NRXN2: variants seen among roughly 807,000 people sequenced by gnomAD.
NRXN2 encodes neurexin-2-beta.
A neutral mutation model predicts 128.8 loss-of-function variants in NRXN2; 29 were observed. The ratio of observed to expected loss-of-function variants is 0.23; its 90% CI spans 0.17 to 0.31. The LOEUF is 0.31. Among genes scored for constraint, NRXN2 ranks in the 10% least tolerant of loss-of-function variants. NRXN2 has a pLI of 1.00. For synonymous variants in NRXN2, 1,098 were observed against 1,075.2 expected (o/e 1.02, Z -0.41); for missense variants, 1,881 against 2,452.6 (o/e 0.77, Z 4.92).
In NRXN2 at chr11:64,608,144, G is replaced by C. The variant is rs1174985296; in HGVS notation, c.4253-62C>G. ...AGCGAGGGCCAGGGCGCAGGCGGCC[G>C]GCACAGAGAGAGAAACAACAGCCTC... On this transcript the variant is annotated intron_variant, in intron 22 of 22. Coordinates refer to ENST00000265459, the MANE Select transcript of NRXN2 (RefSeq NM_015080.4). 19 of 1,250,330 alleles carry C rather than the reference G, an allele frequency of 1.5e-5. No homozygotes were observed. The South Asian group carries it at 2.1e-4, about 14-fold the overall frequency. The allele number at this position is 1,250,330 out of a possible 1,614,324, so 77.5% of individuals were successfully genotyped here.
chr11:64,659,572 A>G (rs1413385113), intron 11 of NRXN2: 1 of 152,628 alleles, frequency 6.6e-6, no homozygotes, highest in Non-Finnish European at 1.5e-5. Flanking sequence ...AGGCAATGGG[A>G]AAAGCACTGA....
chr11:64,643,402 T>A (rs1247149731), intron 17 of NRXN2: 1 of 197,508 alleles, frequency 5.1e-6, no homozygotes, highest in Admixed American at 3.7e-4. Flanking sequence ...CAAATCCGGG[T>A]GAGGGGGGAA....
In NRXN2 at chr11:64,664,515, T is replaced by C. The variant is rs189923356; in HGVS notation, c.1798+2735A>G. On this transcript the variant is annotated intron_variant, in intron 9 of 22. Transcript: ENST00000265459. ...AAAAAAGGTTACTATGGTAAATTTT[T>C]TTTGCTGTTTTATTTTTCATTTCTT... Among the ~76,000 whole-genome samples, 4 of 152,298 alleles carry C rather than the reference T, an allele frequency of 2.6e-5. No individual in the cohort carries two copies. The East Asian group carries it at 7.7e-4, about 29-fold the overall frequency.
chr11:64,715,669 A>C (rs1219296738), intron 1 of NRXN2, among the ~76,000 whole-genome samples: 1 of 152,132 alleles, frequency 6.6e-6, no homozygotes, highest in South Asian at 2.1e-4. Context: ...CCAGCTCCTG[A>C]CTGCTGCCCT....
intron 22 of NRXN2, among the ~76,000 whole-genome samples, chr11:64,614,385 C>T (rs1591485998): frequency 6.6e-6 from 1 of 152,198 alleles, no homozygotes; most frequent in East Asian, 1.9e-4. Context: ...TACTTTGAAC[C>T]TTAAACCACC....
chr11:64,628,083 A>C (rs1220074194), intron 19 of NRXN2, among the ~76,000 whole-genome samples: 1 of 152,242 alleles, frequency 6.6e-6, no homozygotes, highest in Non-Finnish European at 1.5e-5. Flanking sequence ...CAAGAGGAAG[A>C]GAAAAATGTA....
At position 64,663,020 on chromosome 11, in the gene NRXN2, T is replaced by A. The variant is rs561767643; in HGVS notation, c.1799-1881A>T. ...GGGTGGGAACCCAAGAGGGAAGAAC[T>A]GGGACCTCCTCTACAGACACATCCC... On this transcript the variant is annotated intron_variant, in intron 9 of 22. Transcript: ENST00000265459. Among the ~76,000 whole-genome samples, 4 of 152,202 alleles carry A rather than the reference T, an allele frequency of 2.6e-5. No homozygotes were observed. In the South Asian group the frequency reaches 8.3e-4, roughly 32 times the overall value.
In NRXN2 at chr11:64,685,961, T is replaced by C. The variant is rs1245147225; in HGVS notation, c.851-14A>G. ...ACTCCTCCTTGCCTGGATGCCGTGG[T>C]GTGGGGAAACGGGAGAAGGCTGAAT... On this transcript the variant is annotated splice_polypyrimidine_tract_variant and intron_variant, in intron 5 of 22. Transcript: ENST00000265459. The C allele has an allele frequency of 1.2e-6, 2 of 1,614,034 alleles. No individual in the cohort carries two copies. Among genetic ancestry groups the C allele is most frequent in the South Asian group, 1.1e-5 (1 of 91,088 alleles).
chr11:64,639,641 G>A (rs1347875077), intron 17 of NRXN2, among the ~76,000 whole-genome samples: 2 of 152,210 alleles, frequency 1.3e-5, no homozygotes, highest in Non-Finnish European at 2.9e-5. Flanking sequence ...AGGTACAGGA[G>A]TGGCAATGGG....
intron 17 of NRXN2, among the ~76,000 whole-genome samples, chr11:64,639,653 G>A (rs1053622512): frequency 1.3e-5 from 2 of 152,060 alleles, no homozygotes; most frequent in Non-Finnish European, 2.9e-5. Flanking sequence ...GGCAATGGGT[G>A]TCTGGCAGGT....
At chr11:64,652,300 C>T (rs774950800) in intron 12 of NRXN2, 146 bp from the exon 13 acceptor site, 73 of 979,076 alleles carry the variant, frequency 7.5e-5, no homozygotes, top group African/African-American at 1.1e-4. Flanking sequence ...TATTTGGCCA[C>T]GCAACACACC....
At position 64,630,167 on chromosome 11, in the gene NRXN2, A is replaced by AG. The variant is rs2043671435; in HGVS notation, c.3757+234dup. The stretch of plus-strand genomic sequence containing the variant: ...AGCTCAGCCCTGCACCCTCCCCCAT[A>AG]GGGGGCGCATTCGCACCACCACGGT... On this transcript the variant is annotated intron_variant, in intron 19 of 22. Transcript: ENST00000265459. This position sits in a 1 kb window ranked among gnomAD's most constrained non-coding sequence, Gnocchi z 4.6. 6.8e-6 allele frequency among the ~76,000 whole-genome samples: 1 copy of AG among 147,146 alleles called. No individual in the cohort carries two copies. Among genetic ancestry groups the AG allele is most frequent in the African/African-American group, 2.5e-5 (1 of 39,248 alleles).
At chr11:64,688,449 G>C (rs747738259) in intron 5 of NRXN2, 10 of 985,362 alleles carry the variant, frequency 1.0e-5, no homozygotes, top group Non-Finnish European at 1.2e-5. Context: ...CTGAGTAGGG[G>C]AGGTCGGAGC....
chr11:64,714,574 G>A lies in NRXN2; in HGVS notation c.-244-631C>T, dbSNP rs1306415482. Among the ~76,000 whole-genome samples the A allele has an allele frequency of 6.6e-6, 1 of 151,996 alleles. No individual in the cohort carries two copies. The highest frequency in any genetic ancestry group is 2.4e-5 in the African/African-American group (1 of 41,362). On this transcript the variant is annotated intron_variant, in intron 1 of 22. Coordinates refer to ENST00000265459, the MANE Select transcript of NRXN2 (RefSeq NM_015080.4). This position sits in a 1 kb window ranked among gnomAD's most constrained non-coding sequence, Gnocchi z 4.5. ...TCAGGCATCCAATTCTGTGTCTCCA[G>A]TTCCCCCGAAACCACGCTCACCCCT...
intron 6 of NRXN2, among the ~76,000 whole-genome samples, chr11:64,681,478 G>C (rs1379849000): frequency 2.6e-5 from 4 of 152,204 alleles, no homozygotes; most frequent in Non-Finnish European, 4.4e-5. Context: ...TGGAGGAAGG[G>C]ATCAAGGAAG....
Position 64,713,826 on chromosome 11 carries a change from GC to G in NRXN2, c.-128del. The G allele has an allele frequency of 2.1e-6, 1 of 474,828 alleles. No individual in the cohort carries two copies. Among genetic ancestry groups the G allele is most frequent in the Non-Finnish European group, 2.8e-6 (1 of 359,512 alleles). The allele number at this position is 474,828 out of a possible 1,614,324, so 29.4% of individuals were successfully genotyped here. On this transcript the variant is annotated 5_prime_UTR_variant, in exon 2 of 23. The change abolishes the stop of an existing upstream ORF in the 5' untranslated region. Coordinates refer to ENST00000265459, the MANE Select transcript of NRXN2 (RefSeq NM_015080.4). Reference sequence around the variant, plus strand: ...CGGGGCTCCCTTGCAGGCTCACAGTGCCATGGGCCCGGCCGCGGGGCGAGGC... The same window carrying G: ...CGGGGCTCCCTTGCAGGCTCACAGTGCATGGGCCCGGCCGCGGGGCGAGGC...
intron 2 of NRXN2, among the ~76,000 whole-genome samples, chr11:64,711,268 G>C (rs899118095): frequency 2.6e-5 from 4 of 152,218 alleles, no homozygotes; most frequent in African/African-American, 9.7e-5. Flanking sequence ...CTGACTCTGG[G>C]GGGACGGACA....
chr11:64,654,931 A>G (rs1291226663), intron 11 of NRXN2, among the ~76,000 whole-genome samples: 1 of 152,120 alleles, frequency 6.6e-6, no homozygotes, highest in African/African-American at 2.4e-5. Flanking sequence ...GGGAATGGAT[A>G]ACAGTAGGAT....
intron 1 of NRXN2, among the ~76,000 whole-genome samples, chr11:64,715,377 G>C (rs918402969): frequency 1.8e-4 from 27 of 152,132 alleles, no homozygotes; most frequent in African/African-American, 6.5e-4. Flanking sequence ...CCAGGAAATA[G>C]ACAAGCACAG....
Sources: gnomAD v4.1 joint callset for allele counts (sites outside exome capture counted in the v4.1 genomes callset) on GRCh38, gnomAD v4.1.1 for gene constraint, Gnocchi (gnomAD v3.1) non-coding constraint, MANE v1.5 for transcripts, NCBI Gene and HGNC (gene_info 2026-07-23, HGNC 2026-07-21) for gene names.